Variants in CDX1 observed in about 807,000 individuals in gnomAD.
CDX1 encodes the protein caudal type homeobox 1, also known as homeobox protein CDX-1.
In CDX1, 9 loss-of-function variants were observed where a neutral mutation model predicts 16.9. The ratio of observed to expected loss-of-function variants is 0.53; its 90% CI spans 0.32 to 0.93. CDX1 has a LOEUF of 0.93. CDX1 is among the 40% of genes least tolerant of loss of function. The probability of loss-of-function intolerance (pLI) is 0.04; values close to 1 mark genes in which losing one functional copy is unlikely to be tolerated. For missense variants in CDX1, 393 were observed against 386.1 expected (o/e 1.02, Z -0.15); for synonymous variants, 179 against 179.0 (o/e 1.00, Z 0.00).
At chr5:150,181,003 G>T (rs1159978603) in intron 1 of CDX1, among the ~76,000 whole-genome samples, 1 of 152,196 alleles carries the variant, frequency 6.6e-6, no homozygotes, top group East Asian at 1.9e-4. Flanking sequence ...AGTAGCCAGA[G>T]TAATATTAAA....
chr5:150,177,316 G>A (rs1445683899), intron 1 of CDX1, among the ~76,000 whole-genome samples: 2 of 152,248 alleles, frequency 1.3e-5, no homozygotes, highest in South Asian at 2.1e-4. Flanking sequence ...ATAAGTAAAC[G>A]GTCATTTCTA....
At chr5:150,180,777 ACAAGCCCAGGC>A (rs972849002) in intron 1 of CDX1, among the ~76,000 whole-genome samples, 2 of 152,110 alleles carry the variant, frequency 1.3e-5, no homozygotes, top group African/African-American at 4.8e-5. Context: ...CAGGCCCCAC[ACAAGCCCAGGC>A]CAAGCATGAC....
intron 1 of CDX1, among the ~76,000 whole-genome samples, chr5:150,173,219 A>G (rs1288255289): frequency 1.3e-5 from 2 of 152,194 alleles, no homozygotes; most frequent in African/African-American, 4.8e-5. Flanking sequence ...TCATTCATTC[A>G]TTCAAGCAGG....
chr5:150,166,904 G>T lies in CDX1; in HGVS notation c.28G>T (p.Asp10Tyr). MYVGYVLDK[D>Y]SPVYPGPARP... ...GTATGTGGGCTATGTGCTGGACAAG[G>T]ATTCGCCCGTGTACCCCGGCCCAGC... is the stretch of plus-strand genomic sequence containing the variant. Residue 10 changes from aspartate (D) to tyrosine (Y), a missense_variant, in exon 1 of 3, where the codon GAT becomes TAT. Asp to Tyr is a radical substitution (Grantham distance 160, BLOSUM62 -3). Coordinates refer to ENST00000231656, the MANE Select transcript of CDX1 (RefSeq NM_001804.3). 1 of 1,521,046 alleles carries T rather than the reference G, an allele frequency of 6.6e-7. No homozygotes were observed. The highest frequency in any genetic ancestry group is 2.8e-5 in the East Asian group (1 of 35,814). The allele number at this position is 1,521,046 out of a possible 1,614,324, so 94.2% of individuals were successfully genotyped here. A position where few individuals can be genotyped will look rare whatever the true frequency, so the allele number is the denominator to read the frequency against.
Position 150,167,071 on chromosome 5 carries a change from C to G in CDX1, c.195C>G (p.Phe65Leu). The G allele has an allele frequency of 7.1e-7, 1 of 1,415,340 alleles. No homozygotes were observed. The highest frequency in any genetic ancestry group is 9.2e-7 in the Non-Finnish European group (1 of 1,090,640). The allele number at this position is 1,415,340 out of a possible 1,614,324, so 87.7% of individuals were successfully genotyped here. The change falls in exon 1 of 3, where the codon TTC becomes TTG. Residue 65 changes from phenylalanine (F) to leucine (L), a missense_variant. Coordinates refer to ENST00000231656, the MANE Select transcript of CDX1 (RefSeq NM_001804.3). ...PAPPTAWGAPFPAPKDDWAAA... is the reference protein window; with the variant it reads ...PAPPTAWGAPLPAPKDDWAAA... ...CCCCGACGGCCTGGGGGGCGCCCTT[C>G]CCTGCGCCCAAGGACGACTGGGCCG...
Position 150,168,848 on chromosome 5 carries a change from A to C in CDX1, c.445+1527A>C, listed in dbSNP as rs76602910. Among the ~76,000 whole-genome samples the C allele has an allele frequency of 1.5e-3, 231 of 152,354 alleles. 7 individuals carry two copies. The East Asian group carries it at 0.039, about 26-fold the overall frequency. ...ATGCAGTGGTTTGTACCCTTGTTTA[A>C]GTTACAAAAGGACTCCTTTGAAAAA... On this transcript the variant is annotated intron_variant, in intron 1 of 2. Coordinates refer to ENST00000231656, the MANE Select transcript of CDX1 (RefSeq NM_001804.3).
chr5:150,177,939 A>G (rs1761589830), intron 1 of CDX1, among the ~76,000 whole-genome samples: 2 of 152,118 alleles, frequency 1.3e-5, no homozygotes, highest in South Asian at 4.1e-4. Flanking sequence ...GAAGGGTGAC[A>G]AGGTCTGTGG....
chr5:150,166,895 C>G lies in CDX1; in HGVS notation c.19C>G (p.Leu7Val). Residue 7 changes from leucine (L) to valine (V), a missense_variant, in exon 1 of 3, where the codon CTG becomes GTG. Leu to Val is a conservative substitution (Grantham distance 32). Coordinates refer to ENST00000231656, the MANE Select transcript of CDX1 (RefSeq NM_001804.3). MYVGYV[L>V]DKDSPVYPGP... is the part of the protein sequence containing the mutation. ...GGCCACCATGTATGTGGGCTATGTG[C>G]TGGACAAGGATTCGCCCGTGTACCC... 6.6e-7 allele frequency: 1 copy of G among 1,520,332 alleles called. No homozygotes were observed. Among genetic ancestry groups the G allele is most frequent in the Non-Finnish European group, 8.8e-7 (1 of 1,139,688 alleles). The allele number at this position is 1,520,332 out of a possible 1,614,324, so 94.2% of individuals were successfully genotyped here.
Position 150,168,527 on chromosome 5 carries a change from C to CGT in CDX1, c.445+1206_445+1207insGT, listed in dbSNP as rs59027243. Among the ~76,000 whole-genome samples, 917 of 152,382 alleles carry CGT rather than the reference C, an allele frequency of 6.0e-3. 8 individuals are homozygous for CGT. Among genetic ancestry groups the CGT allele is most frequent in the African/African-American group, 0.021 (880 of 41,582 alleles). ...ACAGCTAATGTTTTGGAACACTTAA[C>CGT]TAACGGACCAGGCATGACCTAAGTA... On this transcript the variant is annotated intron_variant, in intron 1 of 2. Coordinates refer to ENST00000231656, the MANE Select transcript of CDX1 (RefSeq NM_001804.3).
At chr5:150,174,838 G>A (rs779785642) in intron 1 of CDX1, among the ~76,000 whole-genome samples, 36 of 150,460 alleles carry the variant, frequency 2.4e-4, no homozygotes, top group Non-Finnish European at 4.1e-4. Flanking sequence ...CTGCAATGGC[G>A]CAATCTCGGC....
chr5:150,183,554 GC>G lies in CDX1; in HGVS notation c.674del (p.Pro225ArgfsTer35). On this transcript the variant is annotated frameshift_variant, in exon 3 of 3. Transcript: ENST00000231656. LOFTEE classifies it low-confidence loss of function (END_TRUNC). ...KKQQQQQPPQ[P>X]PMAHDITATP... Reference sequence around the variant, plus strand: ...AACAGCAGCAGCAACAGCCCCCACAGCCGCCGATGGCCCACGACATCACGGC... The same window carrying G: ...AACAGCAGCAGCAACAGCCCCCACAGCGCCGATGGCCCACGACATCACGGC... 3 of 1,612,066 alleles carry G rather than the reference GC, an allele frequency of 1.9e-6. No individual in the cohort carries two copies. The highest frequency in any genetic ancestry group is 2.5e-6 in the Non-Finnish European group (3 of 1,178,784).
chr5:150,183,907 A>G lies in CDX1; in HGVS notation c.*227A>G. 2.6e-6 allele frequency: 1 copy of G among 384,102 alleles called. No individual in the cohort carries two copies. The allele number at this position is 384,102 out of a possible 1,614,324, so 23.8% of individuals were successfully genotyped here. On this transcript the variant is annotated 3_prime_UTR_variant, in exon 3 of 3. Coordinates refer to ENST00000231656, the MANE Select transcript of CDX1 (RefSeq NM_001804.3). ...AGACCTCTGGGGGATAAGGGAGTCC[A>G]GGGTGGATGATCTCAATCTCCCGTG...
intron 1 of CDX1, 116 bp from the exon 2 acceptor site, chr5:150,182,652 T>G (rs1467353508): frequency 1.0e-6 from 1 of 963,120 alleles, no homozygotes; most frequent in Non-Finnish European, 1.5e-6. Flanking sequence ...TCTCCCCACC[T>G]CAGGGTCCTA....
At chr5:150,178,607 G>C (rs1050787101) in intron 1 of CDX1, among the ~76,000 whole-genome samples, 2 of 152,180 alleles carry the variant, frequency 1.3e-5, no homozygotes, top group Non-Finnish European at 2.9e-5. Context: ...GCTGGGACTG[G>C]AGCCCAGGGC....
intron 1 of CDX1, among the ~76,000 whole-genome samples, chr5:150,171,099 G>A (rs1439844385): frequency 6.6e-6 from 1 of 152,050 alleles, no homozygotes; most frequent in African/African-American, 2.4e-5. Context: ...TCAACTTTCA[G>A]ATGGGGAAAC....
At chr5:150,172,847 C>T (rs938418117) in intron 1 of CDX1, among the ~76,000 whole-genome samples, 6 of 152,224 alleles carry the variant, frequency 3.9e-5, no homozygotes, top group Non-Finnish European at 7.3e-5. Flanking sequence ...CTGCTCAGAG[C>T]TTGGGGAATC....
At chr5:150,181,610 C>T (rs1752424705) in intron 1 of CDX1, among the ~76,000 whole-genome samples, 1 of 152,162 alleles carries the variant, frequency 6.6e-6, no homozygotes, top group South Asian at 2.1e-4. Flanking sequence ...CTCCTTTACA[C>T]CTTTGCTGAA....
Position 150,183,720 on chromosome 5 carries a change from G to C in CDX1, c.*40G>C. 1 of 1,455,918 alleles carries C rather than the reference G, an allele frequency of 6.9e-7. No individual in the cohort carries two copies. 90.2% of individuals were successfully genotyped at this position (1,455,918 alleles called of 1,614,324 possible). A position where few individuals can be genotyped will look rare whatever the true frequency, so the allele number is the denominator to read the frequency against. On this transcript the variant is annotated 3_prime_UTR_variant, in exon 3 of 3. Coordinates refer to ENST00000231656, the MANE Select transcript of CDX1 (RefSeq NM_001804.3). Reference sequence around the variant, plus strand: ...TGTGCGCCGGGGGACCTGGGGACTCGGGTGCTGGGAGTGTGGCTCCTGTGG... The same window carrying C: ...TGTGCGCCGGGGGACCTGGGGACTCCGGTGCTGGGAGTGTGGCTCCTGTGG...
intron 2 of CDX1, 85 bp from the exon 3 acceptor site, chr5:150,183,389 C>T (rs963923741): frequency 4.9e-6 from 6 of 1,213,518 alleles, no homozygotes; most frequent in African/African-American, 4.6e-5. Context: ...GAAATAGGGG[C>T]TCACTGTCCT....
Sources: gnomAD v4.1 joint callset for allele counts (sites outside exome capture counted in the v4.1 genomes callset) on GRCh38, gnomAD v4.1.1 for gene constraint, MANE v1.5 for transcripts, NCBI Gene and HGNC (gene_info 2026-07-23, HGNC 2026-07-21) for gene names.